Variants in ROBO2 observed in about 807,000 individuals in gnomAD.
ROBO2 encodes the protein roundabout guidance receptor 2.
A neutral mutation model predicts 160.8 loss-of-function variants in ROBO2; 53 were observed. The ratio of observed to expected loss-of-function variants is 0.33; its 90% CI spans 0.26 to 0.41. ROBO2 has a LOEUF of 0.41. ROBO2 is among the 10% of genes least tolerant of loss of function. The probability of loss-of-function intolerance (pLI) is 1.00; values close to 1 mark genes in which losing one functional copy is unlikely to be tolerated. For synonymous variants in ROBO2, 664 were observed against 611.7 expected, an observed-to-expected ratio of 1.09 and a Z score of -1.26; for missense variants, 1,577 against 1,722.4, an observed-to-expected ratio of 0.92 and a Z score of 1.49.
At chr3:77,585,468 A>G (rs1306881468) in intron 16 of ROBO2, among the ~76,000 whole-genome samples, 1 of 152,044 alleles carries the variant, frequency 6.6e-6, no homozygotes, top group Non-Finnish European at 1.5e-5. Flanking sequence ...CTTTTAATTT[A>G]CTATTTAGCA....
At chr3:76,001,974 GCA>G (rs912947596) in intron 2 of ROBO2, among the ~76,000 whole-genome samples, 2 of 152,088 alleles carry the variant, frequency 1.3e-5, no homozygotes, top group Non-Finnish European at 2.9e-5. Context: ...TTTTCTCTTA[GCA>G]CTATTGTCTT....
rs1049081977 is a variant in ROBO2, at chr3:77,241,357, T to C, written c.388+143017T>C. 3.3e-5 allele frequency among the ~76,000 whole-genome samples: 5 copies of C among 152,362 alleles called. No individual in the cohort carries two copies. In the East Asian group the frequency reaches 7.7e-4, roughly 23 times the overall value. ...TGAAAATTACAATTTATTTTGAATG[T>C]TCACAAATAATCTTATCTTTTTATT... On this transcript the variant is annotated intron_variant, in intron 2 of 25. Coordinates refer to ENST00000461745, the Ensembl canonical transcript of ROBO2.
intron 2 of ROBO2, among the ~76,000 whole-genome samples, chr3:77,239,037 A>G (rs2088536357): frequency 6.6e-6 from 1 of 152,180 alleles, no homozygotes. Flanking sequence ...GAATCCACAG[A>G]CACAAAAAGT....
chr3:76,427,530 T>G (rs958759314), intron 2 of ROBO2, among the ~76,000 whole-genome samples: 7 of 152,092 alleles, frequency 4.6e-5, no homozygotes, highest in African/African-American at 1.7e-4. Flanking sequence ...AATTCATGAA[T>G]TATTTCATGG....
intron 2 of ROBO2, among the ~76,000 whole-genome samples, chr3:76,077,993 C>T (rs746343864): frequency 6.6e-6 from 1 of 152,182 alleles, no homozygotes; most frequent in African/African-American, 2.4e-5. Flanking sequence ...AAATTTACTG[C>T]TAACAACCCT....
chr3:77,119,328 T>C (rs1348087937), intron 2 of ROBO2, among the ~76,000 whole-genome samples: 2 of 152,146 alleles, frequency 1.3e-5, no homozygotes, highest in Non-Finnish European at 2.9e-5. Flanking sequence ...CACCTAAACA[T>C]GTGTAAACGC....
At chr3:77,446,635 A>G (rs1390934088) in intron 2 of ROBO2, among the ~76,000 whole-genome samples, 2 of 152,086 alleles carry the variant, frequency 1.3e-5, no homozygotes, top group Non-Finnish European at 2.9e-5. Flanking sequence ...TAAACACTGT[A>G]TATGGTTTCT....
At chr3:76,707,291 A>G (rs913881224) in intron 2 of ROBO2, among the ~76,000 whole-genome samples, 2 of 151,964 alleles carry the variant, frequency 1.3e-5, no homozygotes, top group Admixed American at 1.3e-4. Flanking sequence ...TAACAGACTA[A>G]AAAGTTTGTA....
chr3:77,152,842 A>G (rs889172220), intron 2 of ROBO2, among the ~76,000 whole-genome samples: 1 of 152,152 alleles, frequency 6.6e-6, no homozygotes, highest in Non-Finnish European at 1.5e-5. Flanking sequence ...TGTATTCACA[A>G]TTGTGCAACT....
chr3:77,105,909 T>C (rs2072728879), intron 2 of ROBO2, among the ~76,000 whole-genome samples: 1 of 152,196 alleles, frequency 6.6e-6, no homozygotes, highest in African/African-American at 2.4e-5. Flanking sequence ...AGGAAACATA[T>C]TCATAGTGAT....
intron 2 of ROBO2, among the ~76,000 whole-genome samples, chr3:77,173,155 G>A (rs986013188): frequency 6.6e-6 from 1 of 152,084 alleles, no homozygotes; most frequent in Non-Finnish European, 1.5e-5. Context: ...AGAACATTTT[G>A]TAAAGGAAGA....
chr3:76,875,323 G>A (rs182450885), intron 2 of ROBO2, among the ~76,000 whole-genome samples: 1 of 152,298 alleles, frequency 6.6e-6, no homozygotes. Context: ...TAAATTACCA[G>A]TCTCAGGTGT....
intron 2 of ROBO2, among the ~76,000 whole-genome samples, chr3:76,816,440 C>T (rs907660782): frequency 6.6e-6 from 1 of 151,916 alleles, no homozygotes; most frequent in Non-Finnish European, 1.5e-5. Context: ...ATCAAGAGAG[C>T]CAAAGCGTGT....
intron 2 of ROBO2, among the ~76,000 whole-genome samples, chr3:76,910,609 C>T (rs536336103): frequency 4.0e-4 from 61 of 151,060 alleles, no homozygotes; most frequent in Admixed American, 2.0e-3. Flanking sequence ...ACCTGTAGTC[C>T]GAGCTACTCG....
rs537270010 is a variant in ROBO2 at position 77,581,276 on chromosome 3, T to G, written c.2500+1158T>G. Among the ~76,000 whole-genome samples the G allele has an allele frequency of 2.4e-4, 36 of 152,262 alleles. No homozygotes were observed. The South Asian group carries it at 2.7e-3, about 11-fold the overall frequency. On this transcript the variant is annotated intron_variant, in intron 16 of 25. Coordinates refer to ENST00000461745, the Ensembl canonical transcript of ROBO2. ...TTCTCCCAGTCCATGACTTCCCTAT[T>G]CATTTTCTTAATAGTGTCATTTGAT...
At position 76,025,462 on chromosome 3, in the gene ROBO2, T is replaced by C. The variant is rs541734662; in HGVS notation, c.109+87860T>C. 4.6e-5 allele frequency among the ~76,000 whole-genome samples: 7 copies of C among 151,866 alleles called. No homozygotes were observed. The South Asian group carries it at 1.4e-3, about 31-fold the overall frequency. On this transcript the variant is annotated intron_variant, in intron 2 of 26. Transcript: ENST00000487694. Reference sequence around the variant, plus strand: ...GGCAGGGTGAAAATCACCTTCTCTTTATTGAAAACATTGACACTATAGATC... The same window carrying C: ...GGCAGGGTGAAAATCACCTTCTCTTCATTGAAAACATTGACACTATAGATC...
At chr3:76,396,954 AC>A (rs1166580161) in intron 2 of ROBO2, among the ~76,000 whole-genome samples, 1 of 152,196 alleles carries the variant, frequency 6.6e-6, no homozygotes, top group African/African-American at 2.4e-5. Context: ...GACTTTCTTC[AC>A]AGAATTGGAA....
intron 5 of ROBO2, among the ~76,000 whole-genome samples, chr3:77,499,981 T>G (rs12107659): frequency 0.013 from 1,952 of 152,196 alleles, 38 homozygotes; most frequent in African/African-American, 0.043. Context: ...TTATAAATGT[T>G]TCTAGTGACT....
At chr3:76,280,899 A>G (rs1389481575) in intron 2 of ROBO2, among the ~76,000 whole-genome samples, 1 of 151,896 alleles carries the variant, frequency 6.6e-6, no homozygotes, top group Non-Finnish European at 1.5e-5. Flanking sequence ...TTAATAGCAT[A>G]GTTCAGTGTG....
Sources: allele counts gnomAD v4.1 joint callset (sites outside exome capture counted in the v4.1 genomes callset), GRCh38; gene constraint gnomAD v4.1.1; transcripts MANE v1.5; gene names NCBI Gene and HGNC (gene_info 2026-07-23, HGNC 2026-07-21).